The following BTG4 variants were observed in gnomAD, a reference collection of about 807,000 sequenced individuals.
The protein encoded by BTG4 is BTG anti-proliferation factor 4.
In BTG4, 10 loss-of-function variants were observed where a neutral mutation model predicts 19.3. The observed-to-expected ratio is 0.52, with a 90% CI of 0.32 to 0.88. The LOEUF is 0.88. Among genes scored for constraint, BTG4 ranks in the 40% least tolerant of loss-of-function variants. The pLI, the probability that BTG4 is intolerant of heterozygous loss-of-function variation, is 0.04. For missense variants in BTG4, 238 were observed against 281.9 expected (o/e 0.84, Z 1.11); for synonymous variants, 91 against 95.7 (o/e 0.95, Z 0.29).
chr11:111,481,343 A>G (rs893969125), intron 5 of BTG4, among the ~76,000 whole-genome samples: 4 of 151,836 alleles, frequency 2.6e-5, no homozygotes, highest in Admixed American at 6.6e-5. Context: ...TCATAATATA[A>G]TTCTACCAAA....
rs1865623713 is a variant in BTG4, at chr11:111,494,880, T to A, written c.*255A>T. 1.0e-6 allele frequency: 1 copy of A among 983,628 alleles called. No individual in the cohort carries two copies. 60.9% of individuals were successfully genotyped at this position (983,628 alleles called of 1,614,324 possible). A position where few individuals can be genotyped will look rare whatever the true frequency, so the allele number is the denominator to read the frequency against. On this transcript the variant is annotated 3_prime_UTR_variant, in exon 5 of 5. Transcript: ENST00000692032. ...ATAATTCATTGAGTCTTATTAGAGGTCAACATCTTCATTCTGTTACCTTAC... is the reference window on the plus strand; with the variant it reads ...ATAATTCATTGAGTCTTATTAGAGGACAACATCTTCATTCTGTTACCTTAC...
At chr11:111,410,080 A>C in the BTG4 span, among the ~76,000 whole-genome samples, 2 of 152,196 alleles carry the variant, frequency 1.3e-5, no homozygotes, top group Admixed American at 1.3e-4. Context: ...TTCCAGTCTC[A>C]GGTCTGTTAC....
At chr11:111,467,596 G>A (rs1412187263) in exon 6 of BTG4, 3 of 716,898 alleles carry the variant, frequency 4.2e-6, no homozygotes, top group Non-Finnish European at 5.0e-6. Flanking sequence ...TCATCTTCCT[G>A]CCATGGAAGC....
At chr11:111,464,992 T>C (rs1863637317), downstream of BTG4, among the ~76,000 whole-genome samples, 1 of 151,818 alleles carries the variant, frequency 6.6e-6, no homozygotes, top group Admixed American at 6.6e-5. Flanking sequence ...TAGAAGGAGC[T>C]AATGTAAAGG....
the BTG4 span, chr11:111,455,588 G>T: frequency 7.0e-6 from 2 of 285,906 alleles, no homozygotes; most frequent in East Asian, 1.7e-4. Flanking sequence ...CCAGGTCAGA[G>T]AAATCCTCTC....
the BTG4 span, among the ~76,000 whole-genome samples, chr11:111,420,632 C>A: frequency 6.6e-6 from 1 of 152,162 alleles, no homozygotes; most frequent in Admixed American, 6.5e-5. Context: ...TGGGTAAGAA[C>A]AAGAAACAGC....
chr11:111,415,645 T>C, the BTG4 span, among the ~76,000 whole-genome samples: 2 of 151,980 alleles, frequency 1.3e-5, no homozygotes, highest in African/African-American at 4.8e-5. Context: ...TCCCAGAGAA[T>C]CAGGCCTCCA....
intron 1 of BTG4, among the ~76,000 whole-genome samples, chr11:111,505,168 A>C (rs1434728467): frequency 6.6e-6 from 1 of 152,052 alleles, no homozygotes; most frequent in African/African-American, 2.4e-5. Context: ...AGGAACTCCC[A>C]AGCAAAAAGA....
the BTG4 span, among the ~76,000 whole-genome samples, chr11:111,395,630 A>G: frequency 2.0e-5 from 3 of 152,220 alleles, no homozygotes; most frequent in African/African-American, 7.2e-5. Context: ...TTTCTTTTTC[A>G]AATAAATTAT....
chr11:111,424,292 A>G, the BTG4 span, among the ~76,000 whole-genome samples: 19 of 152,354 alleles, frequency 1.2e-4, no homozygotes, highest in African/African-American at 4.3e-4. Context: ...CAAGGAAACT[A>G]GCCTGGGCTC....
chr11:111,468,047 G>A (rs943560933), intron 5 of BTG4, among the ~76,000 whole-genome samples: 1 of 152,222 alleles, frequency 6.6e-6, no homozygotes, highest in Admixed American at 6.5e-5. Context: ...GATTGGAAGT[G>A]CCTTGCTGGT....
chr11:111,401,059 A>T, the BTG4 span: 13 of 67,066 alleles, frequency 1.9e-4, no homozygotes, highest in Non-Finnish European at 3.3e-4. Context: ...AGCATAAAAA[A>T]AAAAAAAAAA....
chr11:111,510,694 T>G (rs918409385), intron 1 of BTG4, among the ~76,000 whole-genome samples: 3 of 152,236 alleles, frequency 2.0e-5, no homozygotes, highest in Non-Finnish European at 4.4e-5. Context: ...ATTTAAATTT[T>G]TAGTTGTACT....
At chr11:111,394,170 G>A in the BTG4 span, among the ~76,000 whole-genome samples, 69 of 152,348 alleles carry the variant, frequency 4.5e-4, 1 homozygote, top group African/African-American at 1.6e-3. Flanking sequence ...GGGAACATTA[G>A]GCATGGGGAA....
downstream of BTG4, chr11:111,462,911 T>C (rs1435272817): frequency 1.3e-5 from 2 of 152,690 alleles, no homozygotes; most frequent in Admixed American, 6.5e-5. Context: ...TCCTCCCACA[T>C]CATCAGATGT....
chr11:111,455,059 C>G, the BTG4 span: 1 of 455,688 alleles, frequency 2.2e-6, no homozygotes. Context: ...TAACCGGCTT[C>G]TGAGGAGCGT....
At chr11:111,485,674 A>C (rs1239111866) in intron 5 of BTG4, among the ~76,000 whole-genome samples, 1 of 152,202 alleles carries the variant, frequency 6.6e-6, no homozygotes, top group Non-Finnish European at 1.5e-5. Flanking sequence ...CAATCTAACA[A>C]TGCATCCTTG....
chr11:111,441,285 G>A, the BTG4 span, among the ~76,000 whole-genome samples: 1 of 152,218 alleles, frequency 6.6e-6, no homozygotes, highest in South Asian at 2.1e-4. Flanking sequence ...GCTCTGGGGA[G>A]TAGGGGAGAG....
chr11:111,510,165 C>A, intron 1 of BTG4, among the ~76,000 whole-genome samples: 1 of 152,066 alleles, frequency 6.6e-6, no homozygotes, highest in East Asian at 1.9e-4. Flanking sequence ...CCGCCTTGAC[C>A]TCCCAAAGTG....
Sources: allele counts gnomAD v4.1 joint callset (sites outside exome capture counted in the v4.1 genomes callset), GRCh38; gene constraint gnomAD v4.1.1; transcripts MANE v1.5; gene names NCBI Gene and HGNC (gene_info 2026-07-23, HGNC 2026-07-21).